Variants in ZNF675 observed in about 807,000 individuals in gnomAD.
The protein encoded by ZNF675 is TRAF6 inhibitory zinc finger.
In ZNF675, 36 loss-of-function variants were observed where a neutral mutation model predicts 56.1. The observed-to-expected ratio is 0.64, with a 90% confidence interval of 0.49 to 0.85. The LOEUF (loss-of-function observed/expected upper bound fraction) is 0.85, where lower values mean the gene tolerates loss of function less well. Ranked by LOEUF, ZNF675 falls within the 40% of genes least tolerant of loss-of-function variation. ZNF675 has a pLI of 0.00. For synonymous variants in ZNF675, 200 were observed against 218.9 expected, an observed-to-expected ratio of 0.91 and a Z score of 0.76; for missense variants, 663 against 654.2, an observed-to-expected ratio of 1.01 and a Z score of -0.15.
chr19:23,684,346 T>C (rs8105549), intron 1 of ZNF675, among the ~76,000 whole-genome samples: 147,722 of 152,088 alleles, frequency 0.97, 71,901 homozygotes, highest in Middle Eastern at 1. Context: ...CAATGCTGAT[T>C]AGAAAACAGA....
At chr19:23,678,569 T>TAAAAAAAAAAA (rs112040202) in intron 1 of ZNF675, among the ~76,000 whole-genome samples, 1 of 142,670 alleles carries the variant, frequency 7.0e-6, no homozygotes. Flanking sequence ...ATTCTTAACT[T>TAAAAAAAAAAA]AAAAAAAAAA....
At chr19:23,684,642 C>G (rs1968420542) in intron 1 of ZNF675, among the ~76,000 whole-genome samples, 1 of 151,478 alleles carries the variant, frequency 6.6e-6, no homozygotes. Flanking sequence ...GAAACCCCAT[C>G]TCAAAAAAAA....
At chr19:23,660,137 A>G (rs7245818) in intron 3 of ZNF675, among the ~76,000 whole-genome samples, 53,841 of 152,014 alleles carry the variant, frequency 0.35, 10,233 homozygotes, top group East Asian at 0.65. Flanking sequence ...TTTTTAGGAC[A>G]AGCCAACTAA....
chr19:23,673,880 C>A (rs901921000), intron 1 of ZNF675, among the ~76,000 whole-genome samples: 1 of 150,142 alleles, frequency 6.7e-6, no homozygotes, highest in East Asian at 1.9e-4. Context: ...TTATCCGGCC[C>A]CAGAGAAACT....
intron 1 of ZNF675, among the ~76,000 whole-genome samples, chr19:23,679,971 C>G (rs1480946468): frequency 6.7e-6 from 1 of 148,808 alleles, no homozygotes; most frequent in African/African-American, 2.5e-5. Context: ...GCCTGGGCAA[C>G]AAGAGCGAGA....
At chr19:23,664,265 C>G (rs757889898) in intron 1 of ZNF675, among the ~76,000 whole-genome samples, 1 of 152,128 alleles carries the variant, frequency 6.6e-6, no homozygotes, top group Non-Finnish European at 1.5e-5. Flanking sequence ...GGACAAATTA[C>G]ACCTGCATCT....
At chr19:23,678,880 T>C (rs1241523371) in intron 1 of ZNF675, among the ~76,000 whole-genome samples, 1 of 151,624 alleles carries the variant, frequency 6.6e-6, no homozygotes, top group Non-Finnish European at 1.5e-5. Flanking sequence ...AACATTTAAA[T>C]TTCTGGCCAG....
chr19:23,654,555 C>T lies in ZNF675; in HGVS notation c.378G>A (p.Lys126=). The change falls in exon 4 of 4, where the codon AAG becomes AAA. Residue 126 remains lysine, a synonymous_variant. Transcript: ENST00000359788. ...ATTGGTTAAGTCCATTATAACCTCCCTTGTGCAACTTACATTCATCCACAC... is the reference window on the plus strand; with the variant it reads ...ATTGGTTAAGTCCATTATAACCTCCTTTGTGCAACTTACATTCATCCACAC... ...CKSVDECKLH[K]GGYNGLNQCL... is the part of the protein sequence containing the mutation. 1 of 1,611,990 alleles carries T rather than the reference C, an allele frequency of 6.2e-7. No individual in the cohort carries two copies. The highest frequency in any genetic ancestry group is 8.5e-7 in the Non-Finnish European group (1 of 1,179,026).
chr19:23,666,060 G>C (rs970294453), intron 1 of ZNF675, among the ~76,000 whole-genome samples: 12 of 152,224 alleles, frequency 7.9e-5, no homozygotes, highest in African/African-American at 2.9e-4. Context: ...AATGAGGCAA[G>C]AGAATAGGGT....
chr19:23,663,011 G>C (rs371148650), intron 2 of ZNF675, 21 bp downstream of exon 2: 10 of 1,544,178 alleles, frequency 6.5e-6, no homozygotes, highest in Admixed American at 2.2e-5. Context: ...AAAAGAAACT[G>C]TGTGTTTAAG....
intron 1 of ZNF675, among the ~76,000 whole-genome samples, chr19:23,672,167 T>C (rs1968234224): frequency 2.7e-5 from 1 of 37,662 alleles, no homozygotes; most frequent in African/African-American, 1.1e-4. Flanking sequence ...TAGTTAGCTC[T>C]TGGGTTTAAA....
chr19:23,677,022 A>T (rs1400896009), intron 1 of ZNF675, among the ~76,000 whole-genome samples: 2 of 149,634 alleles, frequency 1.3e-5, no homozygotes, highest in African/African-American at 5.0e-5. Flanking sequence ...GCTTGCAGTG[A>T]GCCGAGATTG....
At position 23,679,885 on chromosome 19, in the gene ZNF675, G is replaced by C. The variant is rs1296795531; in HGVS notation, c.3+7146C>G. On this transcript the variant is annotated intron_variant, in intron 1 of 3. Transcript: ENST00000359788. Reference sequence around the variant, plus strand: ...GGTGCCTGTAATCCCAGCTACTTGGGAGGCTGAGGCAGAAGAATCACTTGA... The same window carrying C: ...GGTGCCTGTAATCCCAGCTACTTGGCAGGCTGAGGCAGAAGAATCACTTGA... Among the ~76,000 whole-genome samples, 7 of 151,420 alleles carry C rather than the reference G, an allele frequency of 4.6e-5. 1 individual carries two copies. The highest frequency in any genetic ancestry group is 9.8e-5 in the African/African-American group (4 of 40,832).
intron 1 of ZNF675, among the ~76,000 whole-genome samples, chr19:23,684,070 G>A (rs1340475128): frequency 1.3e-5 from 2 of 151,112 alleles, no homozygotes; most frequent in African/African-American, 4.9e-5. Flanking sequence ...GACCATCCTG[G>A]CTAACACGGT....
chr19:23,683,614 G>A (rs1968405674), intron 1 of ZNF675, among the ~76,000 whole-genome samples: 1 of 152,142 alleles, frequency 6.6e-6, no homozygotes, highest in South Asian at 2.1e-4. Context: ...TAGAGATGAG[G>A]TTTCACCATA....
At chr19:23,674,297 T>G (rs1968267358) in intron 1 of ZNF675, among the ~76,000 whole-genome samples, 1 of 151,912 alleles carries the variant, frequency 6.6e-6, no homozygotes, top group Non-Finnish European at 1.5e-5. Context: ...GATACACATT[T>G]ATTTTTAAAA....
Position 23,653,172 on chromosome 19 carries a change from C to A in ZNF675, c.*54G>T. 6.9e-7 allele frequency: 1 copy of A among 1,456,188 alleles called. No homozygotes were observed. The highest frequency in any genetic ancestry group is 9.2e-7 in the Non-Finnish European group (1 of 1,082,554). 90.2% of individuals were successfully genotyped at this position (1,456,188 alleles called of 1,614,324 possible). ...TTCTTTACATTTCTAGAATTTTTCACCAGTATGATTTCCTTTATATTTAGA... is the reference window on the plus strand; with the variant it reads ...TTCTTTACATTTCTAGAATTTTTCAACAGTATGATTTCCTTTATATTTAGA... On this transcript the variant is annotated 3_prime_UTR_variant, in exon 4 of 4. Coordinates refer to ENST00000359788, the MANE Select transcript of ZNF675 (RefSeq NM_138330.3).
intron 3 of ZNF675, chr19:23,661,828 G>A (rs1968082797): frequency 4.3e-6 from 1 of 230,052 alleles, no homozygotes; most frequent in Non-Finnish European, 8.4e-6. Context: ...CAAAAAAAAT[G>A]AGTAAGGATT....
intron 1 of ZNF675, among the ~76,000 whole-genome samples, chr19:23,667,275 A>G (rs915876955): frequency 2.6e-5 from 4 of 152,110 alleles, no homozygotes; most frequent in African/African-American, 7.2e-5. Flanking sequence ...TACAGCTCAT[A>G]AAAGCAGTGT....
Sources: gnomAD v4.1 joint callset for allele counts (sites outside exome capture counted in the v4.1 genomes callset) on GRCh38, gnomAD v4.1.1 for gene constraint, MANE v1.5 for transcripts, NCBI Gene and HGNC (gene_info 2026-07-23, HGNC 2026-07-21) for gene names.